The following ANKFN1 variants were observed in gnomAD, a reference collection of about 807,000 sequenced individuals.
ANKFN1 encodes ankyrin repeat and fibronectin type-III domain-containing protein 1.
Under a neutral mutation model 108.7 loss-of-function variants are expected in ANKFN1, and 74 were observed. That is an observed-to-expected ratio of 0.68 (90% confidence interval 0.56 to 0.83). The LOEUF (loss-of-function observed/expected upper bound fraction) is 0.83, where lower values mean the gene tolerates loss of function less well. Among genes scored for constraint, ANKFN1 ranks in the 40% least tolerant of loss-of-function variants. The probability of loss-of-function intolerance (pLI) is 0.00; values close to 1 mark genes in which losing one functional copy is unlikely to be tolerated. For missense variants in ANKFN1, 1,505 were observed against 1,382.3 expected (o/e 1.09, Z -1.41); for synonymous variants, 547 against 516.2 (o/e 1.06, Z -0.81).
At chr17:56,233,588 A>G (rs1306489493) in intron 3 of ANKFN1, among the ~76,000 whole-genome samples, 1 of 151,852 alleles carries the variant, frequency 6.6e-6, no homozygotes, top group Non-Finnish European at 1.5e-5. Context: ...TCTCCTAATC[A>G]TGTCCAGTTC....
At chr17:56,431,708 T>C (rs980080) in intron 8 of ANKFN1, among the ~76,000 whole-genome samples, 124,424 of 152,242 alleles carry the variant, frequency 0.82, 51,379 homozygotes, top group East Asian at 0.96. Flanking sequence ...AAAAGAAAAG[T>C]CAGAGTGCCC....
At chr17:56,144,166 A>G in intron 4 of ANKFN1, among the ~76,000 whole-genome samples, 1 of 115,416 alleles carries the variant, frequency 8.7e-6, no homozygotes, top group Admixed American at 8.3e-5. Flanking sequence ...GAAAAAAAAA[A>G]AAAAAAAAAA....
intron 8 of ANKFN1, among the ~76,000 whole-genome samples, chr17:56,414,683 A>G (rs2048188681): frequency 6.6e-6 from 1 of 152,196 alleles, no homozygotes; most frequent in African/African-American, 2.4e-5. Context: ...ATTTCAATTG[A>G]TGCTGAAAAG....
chr17:56,069,257 T>TA (rs1905094474), intron 4 of ANKFN1, among the ~76,000 whole-genome samples: 1 of 152,190 alleles, frequency 6.6e-6, no homozygotes, highest in East Asian at 1.9e-4. Context: ...CATATAAACC[T>TA]ATGTGGCAAG....
intron 8 of ANKFN1, among the ~76,000 whole-genome samples, chr17:56,423,849 A>G (rs1485786741): frequency 6.6e-6 from 1 of 152,144 alleles, no homozygotes; most frequent in Non-Finnish European, 1.5e-5. Context: ...GGGCTATGAT[A>G]ATTCTAGGGC....
At chr17:56,309,124 T>G (rs2044933406) in intron 3 of ANKFN1, among the ~76,000 whole-genome samples, 1 of 152,210 alleles carries the variant, frequency 6.6e-6, no homozygotes, top group Non-Finnish European at 1.5e-5. Context: ...TTGTGTTAAT[T>G]CTTTAATTCT....
chr17:56,369,107 C>T (rs1286935859), intron 6 of ANKFN1, among the ~76,000 whole-genome samples: 1 of 152,180 alleles, frequency 6.6e-6, no homozygotes, highest in Admixed American at 6.5e-5. Flanking sequence ...TTACGCACAC[C>T]TTTCTTTAGC....
At chr17:56,478,297 A>G (rs2050579154) in intron 16 of ANKFN1, among the ~76,000 whole-genome samples, 1 of 152,080 alleles carries the variant, frequency 6.6e-6, no homozygotes, top group African/African-American at 2.4e-5. Context: ...CAACACTGCT[A>G]TTTCCAGTAT....
chr17:56,055,258 T>C (rs1200351920), intron 4 of ANKFN1, among the ~76,000 whole-genome samples: 2 of 151,922 alleles, frequency 1.3e-5, no homozygotes, highest in Admixed American at 1.3e-4. Context: ...GTGTTCATTA[T>C]CTCCATCTTT....
chr17:56,193,556 G>A (rs1363902373), intron 1 of ANKFN1, among the ~76,000 whole-genome samples: 1 of 148,560 alleles, frequency 6.7e-6, no homozygotes, highest in Non-Finnish European at 1.5e-5. Context: ...TAATGTAAAA[G>A]TGCATAATTT....
intron 3 of ANKFN1, among the ~76,000 whole-genome samples, chr17:56,241,964 G>A (rs959018843): frequency 6.7e-6 from 1 of 148,726 alleles, no homozygotes; most frequent in African/African-American, 2.4e-5. Flanking sequence ...GGACAAAGTG[G>A]GATGGTGTGA....
intron 17 of ANKFN1, 46 bp downstream of exon 17, chr17:56,480,864 A>G (rs1302545437): frequency 1.3e-6 from 2 of 1,587,124 alleles, no homozygotes; most frequent in Non-Finnish European, 1.7e-6. Context: ...TGGCTCATGG[A>G]AACTGCATTG....
At chr17:56,294,396 C>A (rs2044451276) in intron 3 of ANKFN1, among the ~76,000 whole-genome samples, 4 of 152,218 alleles carry the variant, frequency 2.6e-5, no homozygotes, top group Admixed American at 2.6e-4. Context: ...TCTTAGGCCA[C>A]AGGCCACACC....
intron 8 of ANKFN1, among the ~76,000 whole-genome samples, chr17:56,415,491 T>A (rs2048216976): frequency 6.6e-6 from 1 of 152,120 alleles, no homozygotes; most frequent in Non-Finnish European, 1.5e-5. Flanking sequence ...ATGAAATACC[T>A]ATGGATTAAC....
At chr17:56,296,928 C>G (rs1300767320) in intron 3 of ANKFN1, among the ~76,000 whole-genome samples, 1 of 152,200 alleles carries the variant, frequency 6.6e-6, no homozygotes, top group East Asian at 1.9e-4. Flanking sequence ...ACTGTTCAAG[C>G]AACACTTGGT....
intron 4 of ANKFN1, among the ~76,000 whole-genome samples, chr17:56,052,099 C>T (rs1014323849): frequency 6.6e-6 from 1 of 151,698 alleles, no homozygotes; most frequent in African/African-American, 2.4e-5. Flanking sequence ...CAAAAAAGAG[C>T]CCGCATTGCC....
intron 8 of ANKFN1, among the ~76,000 whole-genome samples, chr17:56,389,271 C>T (rs762184723): frequency 6.6e-6 from 1 of 152,168 alleles, no homozygotes; most frequent in Non-Finnish European, 1.5e-5. Context: ...GATGAATCTT[C>T]TGAGAATTCT....
At chr17:56,325,405 C>T (rs1414185472) in intron 3 of ANKFN1, among the ~76,000 whole-genome samples, 1 of 152,088 alleles carries the variant, frequency 6.6e-6, no homozygotes, top group Non-Finnish European at 1.5e-5. Context: ...ATTAAAAATG[C>T]CTACATATGC....
chr17:56,263,023 G>A (rs568741413), intron 3 of ANKFN1, among the ~76,000 whole-genome samples: 1 of 152,314 alleles, frequency 6.6e-6, no homozygotes, highest in Non-Finnish European at 1.5e-5. Flanking sequence ...AACGTTAGCG[G>A]AAAGGTTGAG....
Sources: allele counts gnomAD v4.1 joint callset (sites outside exome capture counted in the v4.1 genomes callset), GRCh38; gene constraint gnomAD v4.1.1; transcripts MANE v1.5; gene names NCBI Gene and HGNC (gene_info 2026-07-23, HGNC 2026-07-21).